Variants in WDR70 observed in about 807,000 individuals in gnomAD.
WDR70 encodes the protein WD repeat-containing protein 70.
In WDR70, 53 loss-of-function variants were observed where a neutral mutation model predicts 88.6. That is an observed-to-expected ratio of 0.60 (90% CI 0.48 to 0.75). The LOEUF is 0.75. WDR70 is among the 30% of genes least tolerant of loss of function. The pLI, the probability that WDR70 is intolerant of heterozygous loss-of-function variation, is 0.00. For missense variants in WDR70, 610 were observed against 823.2 expected, an observed-to-expected ratio of 0.74 and a Z score of 3.17; for synonymous variants, 280 against 270.0, an observed-to-expected ratio of 1.04 and a Z score of -0.36.
chr5:37,620,361 C>T (rs750885404), intron 10 of WDR70, among the ~76,000 whole-genome samples: 28 of 152,020 alleles, frequency 1.8e-4, no homozygotes, highest in Admixed American at 1.2e-3. Flanking sequence ...TGGGGCAGGG[C>T]GCTAAAGAGC....
At chr5:37,700,152 C>A (rs984064659) in intron 11 of WDR70, among the ~76,000 whole-genome samples, 3 of 152,122 alleles carry the variant, frequency 2.0e-5, no homozygotes, top group African/African-American at 7.2e-5. Context: ...ACTCTTTACT[C>A]TCCTCACTTG....
At chr5:37,690,990 A>G (rs1349770227) in intron 10 of WDR70, among the ~76,000 whole-genome samples, 1 of 152,164 alleles carries the variant, frequency 6.6e-6, no homozygotes, top group Non-Finnish European at 1.5e-5. Flanking sequence ...ATCTCACATG[A>G]AGAGACACAC....
At chr5:37,533,992 A>G (rs1343053877) in intron 9 of WDR70, among the ~76,000 whole-genome samples, 1 of 152,196 alleles carries the variant, frequency 6.6e-6, no homozygotes, top group Non-Finnish European at 1.5e-5. Context: ...GGGAGCCTGC[A>G]GTGGTGATCC....
At chr5:37,614,218 G>C (rs1311072896) in intron 10 of WDR70, among the ~76,000 whole-genome samples, 2 of 152,036 alleles carry the variant, frequency 1.3e-5, no homozygotes, top group Non-Finnish European at 2.9e-5. Context: ...TTTTATCTTG[G>C]CTCCTGGCAC....
Position 37,727,001 on chromosome 5 carries a change from A to G in WDR70, c.1833A>G (p.Lys611=). The G allele has an allele frequency of 1.2e-6, 2 of 1,611,230 alleles. No individual in the cohort carries two copies. Among genetic ancestry groups the G allele is most frequent in the Non-Finnish European group, 1.7e-6 (2 of 1,178,714 alleles). Residue 611 remains lysine, a synonymous_variant, in exon 17 of 18, where the codon AAA becomes AAG. Transcript: ENST00000265107. ...NPREAILRHA[K]AAEDSPYWVS... is the part of the protein sequence containing the mutation. The stretch of plus-strand genomic sequence containing the variant: ...GGGAAGCCATTTTGCGTCATGCCAA[A>G]GCAGCAGAAGACAGCCCATATTGGG...
intron 8 of WDR70, among the ~76,000 whole-genome samples, chr5:37,500,134 T>A (rs1300953743): frequency 6.6e-6 from 1 of 152,202 alleles, no homozygotes; most frequent in African/African-American, 2.4e-5. Context: ...TACCACTGTA[T>A]ATACCTTTGT....
intron 17 of WDR70, among the ~76,000 whole-genome samples, chr5:37,737,515 C>T (rs1748334809): frequency 6.6e-6 from 1 of 152,242 alleles, no homozygotes; most frequent in African/African-American, 2.4e-5. Flanking sequence ...TGAGATTTAG[C>T]TTCAGCTCCG....
chr5:37,445,372 T>C (rs1265584501), intron 7 of WDR70, among the ~76,000 whole-genome samples: 1 of 151,048 alleles, frequency 6.6e-6, no homozygotes, highest in African/African-American at 2.4e-5. Flanking sequence ...GATTTCTTCC[T>C]GAATCGGTTA....
chr5:37,747,021 A>G (rs947598537), intron 17 of WDR70, among the ~76,000 whole-genome samples: 7 of 152,198 alleles, frequency 4.6e-5, no homozygotes, highest in South Asian at 2.1e-4. Context: ...AAAATCCTCA[A>G]TAAAATACTG....
chr5:37,387,225 G>T (rs1748648000), intron 3 of WDR70, among the ~76,000 whole-genome samples: 1 of 152,014 alleles, frequency 6.6e-6, no homozygotes, highest in Admixed American at 6.6e-5. Flanking sequence ...TCCAATTTCT[G>T]ATCCTTCATA....
intron 10 of WDR70, among the ~76,000 whole-genome samples, chr5:37,654,294 C>G (rs144177231): frequency 6.6e-6 from 1 of 152,148 alleles, no homozygotes. Context: ...TTTGATTGCA[C>G]TGTGGTTTGA....
intron 10 of WDR70, among the ~76,000 whole-genome samples, chr5:37,634,251 A>C (rs930263092): frequency 2.1e-5 from 3 of 146,276 alleles, no homozygotes; most frequent in African/African-American, 7.5e-5. Context: ...GTGAGCTGAG[A>C]TTGCATCACT....
chr5:37,680,132 T>C (rs914348231), intron 10 of WDR70, among the ~76,000 whole-genome samples: 1 of 152,012 alleles, frequency 6.6e-6, no homozygotes, highest in African/African-American at 2.4e-5. Flanking sequence ...TTGATTTGCA[T>C]TTGTCTAACC....
At position 37,649,609 on chromosome 5, in the gene WDR70, T is replaced by C. The variant is rs572353552; in HGVS notation, c.1092+44371T>C. ...TCTTTTATGGTTTGCCTCTGGACTA[T>C]AGATGTGATACAAGTATCTTTTCTG... is the stretch of plus-strand genomic sequence containing the variant. On this transcript the variant is annotated intron_variant, in intron 10 of 17. Coordinates refer to ENST00000265107, the MANE Select transcript of WDR70 (RefSeq NM_018034.4). 4.0e-5 allele frequency among the ~76,000 whole-genome samples: 6 copies of C among 151,684 alleles called. No homozygotes were observed. In the East Asian group the frequency reaches 1.2e-3, roughly 29 times the overall value.
chr5:37,563,442 AT>A (rs1742600636), intron 9 of WDR70, among the ~76,000 whole-genome samples: 1 of 29,182 alleles, frequency 3.4e-5, no homozygotes, highest in Non-Finnish European at 7.2e-5. Context: ...ACCCCCCCAC[AT>A]CCTTCCCGGA....
At chr5:37,438,566 A>C (rs1486226871) in intron 6 of WDR70, among the ~76,000 whole-genome samples, 1 of 152,158 alleles carries the variant, frequency 6.6e-6, no homozygotes, top group Non-Finnish European at 1.5e-5. Flanking sequence ...AGTAGTAGTT[A>C]AATGAGTGAA....
intron 5 of WDR70, among the ~76,000 whole-genome samples, chr5:37,422,431 ATAGGCATGAACCT>A (rs1427356381): frequency 2.6e-5 from 4 of 151,834 alleles, no homozygotes; most frequent in Non-Finnish European, 5.9e-5. Flanking sequence ...AGCTGGGACT[ATAGGCATGAACCT>A]CTATGCCTGG....
At chr5:37,563,380 G>A (rs1386160023) in intron 9 of WDR70, among the ~76,000 whole-genome samples, 1 of 59,392 alleles carries the variant, frequency 1.7e-5, no homozygotes, top group African/African-American at 5.6e-5. Flanking sequence ...GGGCGGCCGG[G>A]CAGAGGCGCC....
At chr5:37,629,968 G>A (rs1163602159) in intron 10 of WDR70, among the ~76,000 whole-genome samples, 1 of 152,094 alleles carries the variant, frequency 6.6e-6, no homozygotes, top group Admixed American at 6.6e-5. Context: ...TTGATTTGAT[G>A]GAGTGCATTG....
Sources: allele counts gnomAD v4.1 joint callset (sites outside exome capture counted in the v4.1 genomes callset), GRCh38; gene constraint gnomAD v4.1.1; transcripts MANE v1.5; gene names NCBI Gene and HGNC (gene_info 2026-07-23, HGNC 2026-07-21).